IL23R: variants seen among roughly 807,000 people sequenced by gnomAD.
IL23R encodes the protein interleukin-23 receptor.
IL23R carries 34 observed loss-of-function variants against 56.9 expected under a neutral mutation model. The observed-to-expected ratio is 0.60, with a 90% confidence interval of 0.45 to 0.80. The LOEUF is 0.80. IL23R is among the 30% of genes least tolerant of loss of function. The pLI, the probability that IL23R is intolerant of heterozygous loss-of-function variation, is 0.00. For missense variants in IL23R, 635 were observed against 730.0 expected, an observed-to-expected ratio of 0.87 and a Z score of 1.50; for synonymous variants, 230 against 249.2, an observed-to-expected ratio of 0.92 and a Z score of 0.73.
At chr1:67,232,463 G>T (rs1369570829) in intron 7 of IL23R, among the ~76,000 whole-genome samples, 2 of 152,148 alleles carry the variant, frequency 1.3e-5, no homozygotes, top group Non-Finnish European at 2.9e-5. Context: ...TGGAAGTGAG[G>T]TTATTAATTT....
chr1:67,149,035 C>T (rs1200882885), intron 1 of IL23R, among the ~76,000 whole-genome samples: 2 of 152,196 alleles, frequency 1.3e-5, no homozygotes, highest in African/African-American at 2.4e-5. Flanking sequence ...AGTTGGGGCA[C>T]TTTGTTATAG....
chr1:67,145,182 C>T (rs1437262236), intron 1 of IL23R, among the ~76,000 whole-genome samples: 1 of 152,132 alleles, frequency 6.6e-6, no homozygotes, highest in African/African-American at 2.4e-5. Context: ...CCCATTTCTA[C>T]TTAAAATACA....
intron 4 of IL23R, 135 bp downstream of exon 4, chr1:67,183,094 T>A: frequency 9.6e-7 from 1 of 1,044,200 alleles, no homozygotes. Flanking sequence ...TTCCTACTTA[T>A]GATCAGTGAA....
chr1:67,210,473 T>C (rs75262534), intron 6 of IL23R, among the ~76,000 whole-genome samples: 8,898 of 152,102 alleles, frequency 0.059, 868 homozygotes, highest in African/African-American at 0.2. Context: ...TTTAAGGTTT[T>C]TTTTTTAGAG....
At chr1:67,228,197 T>TCCTTCCTCCCTC (rs1429336962) in intron 7 of IL23R, among the ~76,000 whole-genome samples, 2 of 138,298 alleles carry the variant, frequency 1.4e-5, no homozygotes, top group African/African-American at 5.5e-5. Context: ...CTTCCTTCCT[T>TCCTTCCTCCCTC]CCTCCCTTCT....
In IL23R at chr1:67,219,606, G is replaced by A; in HGVS notation, c.831G>A (p.Val277=). Residue 277 remains valine, a synonymous_variant, in exon 7 of 11, where the codon GTG becomes GTA. Transcript: ENST00000347310. Reference sequence around the variant, plus strand: ...AATTTGACACCAATTTTACATATGTGCAACAGTCAGAATTCTACTTGGAGC... The same window carrying A: ...AATTTGACACCAATTTTACATATGTACAACAGTCAGAATTCTACTTGGAGC... ...VKEFDTNFTY[V]QQSEFYLEPN... 2 of 1,613,954 alleles carry A rather than the reference G, an allele frequency of 1.2e-6. No homozygotes were observed.
chr1:67,231,471 T>C (rs1651097253), intron 7 of IL23R, among the ~76,000 whole-genome samples: 1 of 152,132 alleles, frequency 6.6e-6, no homozygotes, highest in African/African-American at 2.4e-5. Context: ...TGCTTTTATC[T>C]AATTTTACAA....
intron 3 of IL23R, among the ~76,000 whole-genome samples, chr1:67,171,128 C>A (rs1163967019): frequency 6.6e-6 from 1 of 152,132 alleles, no homozygotes; most frequent in African/African-American, 2.4e-5. Flanking sequence ...TGCCCAAATA[C>A]TTTACTATTT....
chr1:67,228,077 CTTTCTTT>C (rs1330649351), intron 7 of IL23R, among the ~76,000 whole-genome samples: 6 of 64,270 alleles, frequency 9.3e-5, no homozygotes, highest in East Asian at 1.1e-3. Context: ...CTCTCTCTTT[CTTTCTTT>C]TCTTTCTTTC....
intron 5 of IL23R, among the ~76,000 whole-genome samples, chr1:67,203,037 A>G (rs142683269): frequency 6.6e-6 from 1 of 152,294 alleles, no homozygotes; most frequent in East Asian, 1.9e-4. Context: ...TTCTTACGAT[A>G]GATAAATTAA....
chr1:67,253,584 T>C (rs1050835716), intron 9 of IL23R, among the ~76,000 whole-genome samples: 1 of 152,222 alleles, frequency 6.6e-6, no homozygotes. Flanking sequence ...CTTATCTACA[T>C]AGGTTTTTTG....
At chr1:67,194,855 G>A (rs549391174) in intron 4 of IL23R, among the ~76,000 whole-genome samples, 1 of 152,194 alleles carries the variant, frequency 6.6e-6, no homozygotes, top group East Asian at 1.9e-4. Context: ...CTCTGTTAAG[G>A]TATTTACGTT....
chr1:67,216,603 G>C (rs1229863123), intron 6 of IL23R, among the ~76,000 whole-genome samples: 4 of 152,138 alleles, frequency 2.6e-5, no homozygotes, highest in Non-Finnish European at 5.9e-5. Context: ...GGCATAGTCT[G>C]TTCCAATTAA....
At chr1:67,179,877 C>T (rs879968696) in intron 3 of IL23R, among the ~76,000 whole-genome samples, 1 of 152,020 alleles carries the variant, frequency 6.6e-6, no homozygotes, top group Non-Finnish European at 1.5e-5. Flanking sequence ...TCGTTATGTA[C>T]CTAGTAGTCA....
At chr1:67,156,257 G>A (rs918142220) in intron 1 of IL23R, among the ~76,000 whole-genome samples, 7 of 152,196 alleles carry the variant, frequency 4.6e-5, no homozygotes, top group Non-Finnish European at 1.0e-4. Context: ...CTCCAAGTCA[G>A]GAGGCACAGG....
At chr1:67,140,914 A>G (rs540132105) in intron 1 of IL23R, among the ~76,000 whole-genome samples, 3 of 152,304 alleles carry the variant, frequency 2.0e-5, no homozygotes, top group Admixed American at 2.0e-4. Flanking sequence ...TCTGATCAAG[A>G]TCACAAATCT....
intron 3 of IL23R, among the ~76,000 whole-genome samples, chr1:67,174,055 T>C (rs1646978671): frequency 1.3e-5 from 2 of 152,202 alleles, no homozygotes; most frequent in African/African-American, 4.8e-5. Flanking sequence ...TTATTTAACC[T>C]TATTTTGGAA....
At chr1:67,150,468 G>C (rs1646718134) in intron 1 of IL23R, among the ~76,000 whole-genome samples, 1 of 151,588 alleles carries the variant, frequency 6.6e-6, no homozygotes. Context: ...TCCCCTCCCT[G>C]TGTCCATGTG....
intron 3 of IL23R, 56 bp from the exon 4 acceptor site, chr1:67,182,780 G>C: frequency 6.2e-7 from 1 of 1,608,614 alleles, no homozygotes; most frequent in Non-Finnish European, 8.5e-7. Flanking sequence ...CTTGGCTTGG[G>C]ACCAGAGAAC....
Sources: gnomAD v4.1 joint callset for allele counts (sites outside exome capture counted in the v4.1 genomes callset) on GRCh38, gnomAD v4.1.1 for gene constraint, MANE v1.5 for transcripts, NCBI Gene and HGNC (gene_info 2026-07-23, HGNC 2026-07-21) for gene names.